The following SHROOM2 variants were observed in gnomAD, a reference collection of about 807,000 sequenced individuals.
The protein encoded by SHROOM2 is shroom family member 2, also known as protein Shroom2.
A neutral mutation model predicts 75.9 loss-of-function variants in SHROOM2; 33 were observed. That is an observed-to-expected ratio of 0.43 (90% CI 0.33 to 0.58). SHROOM2 has a LOEUF of 0.58. Ranked by LOEUF, SHROOM2 falls within the 20% of genes least tolerant of loss-of-function variation. The probability of loss-of-function intolerance (pLI) is 0.04; values close to 1 mark genes in which losing one functional copy is unlikely to be tolerated. For synonymous variants in SHROOM2, 655 were observed against 663.6 expected (o/e 0.99, Z 0.20); for missense variants, 1,434 against 1,461.2 (o/e 0.98, Z 0.30).
intron 1 of SHROOM2, among the ~76,000 whole-genome samples, chrX:9,806,478 ATGTATATATATG>A (rs924967638): frequency 9.4e-5 from 10 of 106,685 alleles, no homozygotes; most frequent in East Asian, 3.0e-4. Flanking sequence ...ATATATATGT[ATGTATATATATG>A]TGTATATATA....
chrX:9,799,829 T>G (rs534987952), intron 1 of SHROOM2, among the ~76,000 whole-genome samples: 1 of 111,380 alleles, frequency 9.0e-6, no homozygotes, highest in South Asian at 3.8e-4. Context: ...CTTCTCTTCT[T>G]TTTTTAATTT....
intron 2 of SHROOM2, among the ~76,000 whole-genome samples, chrX:9,878,829 G>A (rs1464371734): frequency 9.1e-6 from 1 of 109,336 alleles, no homozygotes; most frequent in Admixed American, 9.8e-5. Flanking sequence ...GACACTGGAG[G>A]ACGTCAGGTG....
chrX:9,905,029 A>C (rs1434059547), intron 5 of SHROOM2, among the ~76,000 whole-genome samples: 1 of 111,720 alleles, frequency 9.0e-6, no homozygotes, highest in Admixed American at 9.5e-5. Flanking sequence ...AAAAACAAAA[A>C]AAGTTTTTGT....
chrX:9,870,822 T>C (rs193257163), intron 1 of SHROOM2, among the ~76,000 whole-genome samples: 1 of 112,462 alleles, frequency 8.9e-6, no homozygotes, highest in Non-Finnish European at 1.9e-5. Context: ...AACTTTGAGT[T>C]GGGTTTTTGA....
intron 5 of SHROOM2, among the ~76,000 whole-genome samples, chrX:9,924,572 T>A (rs1468697272): frequency 9.0e-6 from 1 of 110,560 alleles, no homozygotes; most frequent in Non-Finnish European, 1.9e-5. Flanking sequence ...CCCAGGCTGG[T>A]CTCTAACTCC....
chrX:9,860,612 T>TG (rs1439147473), intron 1 of SHROOM2, among the ~76,000 whole-genome samples: 1 of 111,296 alleles, frequency 9.0e-6, no homozygotes, highest in Non-Finnish European at 1.9e-5. Context: ...TTAGTAGAGA[T>TG]GGGGTTTCAC....
At chrX:9,787,159 C>A (rs1366142789) in intron 1 of SHROOM2, among the ~76,000 whole-genome samples, 1 of 112,162 alleles carries the variant, frequency 8.9e-6, no homozygotes, top group Non-Finnish European at 1.9e-5. Flanking sequence ...CTGTCGCCAG[C>A]GCAACTTCTC....
At chrX:9,859,400 T>A (rs2084090840) in intron 1 of SHROOM2, among the ~76,000 whole-genome samples, 1 of 112,184 alleles carries the variant, frequency 8.9e-6, no homozygotes, top group East Asian at 2.8e-4. Flanking sequence ...GAAACAGATA[T>A]CATTTGGGTT....
rs763622312 is a variant in SHROOM2 at position 9,872,512 on chromosome X, C to T, written c.166-1140C>T. On this transcript the variant is annotated intron_variant, in intron 1 of 9. Coordinates refer to ENST00000380913, the MANE Select transcript of SHROOM2 (RefSeq NM_001649.4). ...CCAGGAGGCAGAGGTTGCAGTGAGC[C>T]GAGATCGCACCACTGCACTGCAGCC... 2.3e-4 allele frequency among the ~76,000 whole-genome samples: 26 copies of T among 111,000 alleles called. 1 individual carries two copies. Among genetic ancestry groups the T allele is most frequent in the Non-Finnish European group, 3.8e-4 (20 of 52,886 alleles).
intron 1 of SHROOM2, among the ~76,000 whole-genome samples, chrX:9,808,668 C>A (rs777823856): frequency 9.0e-6 from 1 of 110,564 alleles, no homozygotes; most frequent in Non-Finnish European, 1.9e-5. Flanking sequence ...TCGAGACCAG[C>A]CTGGCCAACG....
intron 1 of SHROOM2, among the ~76,000 whole-genome samples, chrX:9,848,951 C>T (rs1283692119): frequency 9.0e-6 from 1 of 111,536 alleles, no homozygotes. Context: ...AGCAAACAAC[C>T]GTCCACTCAG....
chrX:9,930,488 C>T lies in SHROOM2; in HGVS notation c.2892-1687C>T, dbSNP rs182206756. The stretch of plus-strand genomic sequence containing the variant: ...AGATTGTGCACTCCAGCCTGGACAA[C>T]AGAGTAAGACCCTGTCTCAAAAAAA... On this transcript the variant is annotated intron_variant, in intron 5 of 9. Transcript: ENST00000380913. 9.5e-5 allele frequency among the ~76,000 whole-genome samples: 9 copies of T among 94,733 alleles called. No individual in the cohort carries two copies. In the East Asian group the frequency reaches 1.9e-3, roughly 20 times the overall value. The allele number at this position is 94,733 out of a possible 115,157, so 82.3% of individuals were successfully genotyped here.
At chrX:9,933,196 C>T (rs1438426282) in intron 6 of SHROOM2, among the ~76,000 whole-genome samples, 3 of 109,836 alleles carry the variant, frequency 2.7e-5, no homozygotes, top group Non-Finnish European at 5.7e-5. Flanking sequence ...TTTTTTTTGT[C>T]GTTGTTGTTG....
At chrX:9,941,212 G>A (rs2084765714) in intron 8 of SHROOM2, among the ~76,000 whole-genome samples, 1 of 112,292 alleles carries the variant, frequency 8.9e-6, no homozygotes, top group Non-Finnish European at 1.9e-5. Flanking sequence ...AACAAAAGGT[G>A]GAGGAAGGGA....
At chrX:9,880,238 A>G (rs1421273293) in intron 2 of SHROOM2, among the ~76,000 whole-genome samples, 1 of 112,827 alleles carries the variant, frequency 8.9e-6, no homozygotes, top group Non-Finnish European at 1.9e-5. Context: ...TTAGCAGGGC[A>G]GGAGGCCCAC....
At chrX:9,908,344 G>A (rs2084402712) in intron 5 of SHROOM2, among the ~76,000 whole-genome samples, 1 of 112,246 alleles carries the variant, frequency 8.9e-6, no homozygotes, top group South Asian at 3.7e-4. Context: ...AAGAGGTGAG[G>A]AGGAAGTTCT....
Position 9,927,635 on chromosome X carries a change from A to G in SHROOM2, c.2892-4540A>G, listed in dbSNP as rs756288590. ...TTCTCACCTTTTAAAATTCCGCACA[A>G]AAAAAGTGAAAGTGATTGAAAGCAA... On this transcript the variant is annotated intron_variant, in intron 5 of 9. Coordinates refer to ENST00000380913, the MANE Select transcript of SHROOM2 (RefSeq NM_001649.4). Among the ~76,000 whole-genome samples the G allele has an allele frequency of 1.2e-4, 13 of 112,080 alleles. No individual in the cohort carries two copies. In the South Asian group the frequency reaches 2.2e-3, roughly 19 times the overall value.
intron 7 of SHROOM2, among the ~76,000 whole-genome samples, chrX:9,938,009 A>G (rs770133872): frequency 2.7e-5 from 3 of 109,920 alleles, no homozygotes; most frequent in African/African-American, 9.9e-5. Context: ...GCCGCTGTCT[A>G]CCCTGGGGGA....
chrX:9,813,453 A>C (rs1357192403), intron 1 of SHROOM2, among the ~76,000 whole-genome samples: 1 of 111,509 alleles, frequency 9.0e-6, no homozygotes, highest in African/African-American at 3.3e-5. Flanking sequence ...AGTCCCCAAA[A>C]TGTCTGATCA....
Sources: gnomAD v4.1 joint callset for allele counts (sites outside exome capture counted in the v4.1 genomes callset) on GRCh38, gnomAD v4.1.1 for gene constraint, MANE v1.5 for transcripts, NCBI Gene and HGNC (gene_info 2026-07-23, HGNC 2026-07-21) for gene names.